Variants in TMEM200A observed in about 807,000 individuals in gnomAD.
TMEM200A encodes the protein two transmembrane C.
A neutral mutation model predicts 24.3 loss-of-function variants in TMEM200A; 12 were observed. The observed-to-expected ratio is 0.49, with a 90% CI of 0.32 to 0.80. The LOEUF (loss-of-function observed/expected upper bound fraction) is 0.80, where lower values mean the gene tolerates loss of function less well. TMEM200A is among the 30% of genes least tolerant of loss of function. TMEM200A has a pLI of 0.04. For missense variants in TMEM200A, 545 were observed against 614.4 expected (o/e 0.89, Z 1.19); for synonymous variants, 224 against 224.4 (o/e 1.00, Z 0.02).
At position 130,427,893 on chromosome 6, in the gene TMEM200A, G is replaced by T. The variant is rs147972014; in HGVS notation, c.-16-12514G>T. On this transcript the variant is annotated intron_variant, in intron 2 of 2. Transcript: ENST00000296978. ...AAGTTTTCTACCCACTTTTCTCTTG[G>T]CTTGCTATCTCTAACAGGACATTGC... 2.2e-3 allele frequency among the ~76,000 whole-genome samples: 330 copies of T among 151,646 alleles called. 1 individual carries two copies. Among genetic ancestry groups the T allele is most frequent in the Non-Finnish European group, 3.2e-3 (219 of 67,884 alleles).
At chr6:130,416,417 A>C (rs890033646) in intron 2 of TMEM200A, among the ~76,000 whole-genome samples, 21 of 152,088 alleles carry the variant, frequency 1.4e-4, no homozygotes, top group African/African-American at 5.1e-4. Context: ...CATATTCAAA[A>C]CTAAACTCTT....
At chr6:130,366,008 C>T (rs1253714675), upstream of TMEM200A, 2 of 985,442 alleles carry the variant, frequency 2.0e-6, no homozygotes, top group Non-Finnish European at 2.4e-6. The surrounding 1 kb of genome is among the most constrained non-coding windows in gnomAD (Gnocchi z 4.4). Context: ...AGGTTTGGGG[C>T]TGGGATCCAT....
chr6:130,374,519 G>A (rs1178325325), intron 1 of TMEM200A, among the ~76,000 whole-genome samples: 1 of 151,814 alleles, frequency 6.6e-6, no homozygotes, highest in African/African-American at 2.4e-5. Flanking sequence ...AGGTTCAAGC[G>A]ATTTTCCTCC....
rs536881614 is a variant in TMEM200A, at chr6:130,411,606, A to T, written c.-17+26370A>T. On this transcript the variant is annotated intron_variant, in intron 2 of 2. Transcript: ENST00000296978. ...TGGTTGTATCTCTTTACTCTGCTTC[A>T]ATCTGGAATGTTTCTTCGGTATTTG... is the stretch of plus-strand genomic sequence containing the variant. 9.2e-5 allele frequency among the ~76,000 whole-genome samples: 14 copies of T among 152,266 alleles called. 1 individual carries two copies. In the South Asian group the frequency reaches 2.9e-3, roughly 32 times the overall value.
chr6:130,420,059 A>G (rs1440253890), intron 2 of TMEM200A, among the ~76,000 whole-genome samples: 1 of 152,142 alleles, frequency 6.6e-6, no homozygotes, highest in East Asian at 1.9e-4. Flanking sequence ...TCATGATCTA[A>G]TCACCTCCTA....
intron 2 of TMEM200A, among the ~76,000 whole-genome samples, chr6:130,409,840 G>GTT (rs60589180): frequency 0.026 from 3,747 of 144,852 alleles, 159 homozygotes; most frequent in African/African-American, 0.089. Context: ...CTGTCTCTCA[G>GTT]TTTTTTTTTT....
intron 1 of TMEM200A, chr6:130,382,979 C>T: frequency 3.1e-6 from 3 of 980,918 alleles, no homozygotes; most frequent in Non-Finnish European, 3.6e-6. Flanking sequence ...GACTCTAGAT[C>T]AGGAAGCAAA....
chr6:130,395,012 C>T (rs988331293), intron 2 of TMEM200A, among the ~76,000 whole-genome samples: 9 of 152,148 alleles, frequency 5.9e-5, no homozygotes, highest in Admixed American at 5.2e-4. Flanking sequence ...GAGCCTCCAT[C>T]GGTATCCTAG....
intron 1 of TMEM200A, among the ~76,000 whole-genome samples, chr6:130,367,028 A>C (rs1404002659): frequency 6.6e-6 from 1 of 152,244 alleles, no homozygotes; most frequent in African/African-American, 2.4e-5. Flanking sequence ...GATTTGCTTC[A>C]TTAATCATTC....
intron 2 of TMEM200A, among the ~76,000 whole-genome samples, chr6:130,439,757 A>G (rs1780106699): frequency 6.6e-6 from 1 of 152,184 alleles, no homozygotes; most frequent in Non-Finnish European, 1.5e-5. Context: ...TTAACATCAT[A>G]AAAGACTGGG....
chr6:130,395,325 G>A (rs1222636704), intron 2 of TMEM200A, among the ~76,000 whole-genome samples: 1 of 152,148 alleles, frequency 6.6e-6, no homozygotes, highest in Non-Finnish European at 1.5e-5. Flanking sequence ...TAGTTGAAGA[G>A]CCCGTGTCAA....
chr6:130,403,396 C>T (rs1195363139), intron 2 of TMEM200A, among the ~76,000 whole-genome samples: 1 of 151,860 alleles, frequency 6.6e-6, no homozygotes, highest in Admixed American at 6.6e-5. Context: ...ATTATTATTT[C>T]GATAAACGGT....
rs760217369 is a variant in TMEM200A at position 130,366,876 on chromosome 6, G to A, written c.-81+352G>A. Among the ~76,000 whole-genome samples, 15 of 152,194 alleles carry A rather than the reference G, an allele frequency of 9.9e-5. No individual in the cohort carries two copies. The highest frequency in any genetic ancestry group is 1.9e-4 in the Non-Finnish European group (13 of 68,038). ...GTTAATTCATGATTGAGCAAAGTAT[G>A]GTCAGGGTTTCGTAAAGCAGTATCT... On this transcript the variant is annotated intron_variant, in intron 1 of 2. Coordinates refer to ENST00000296978, the MANE Select transcript of TMEM200A (RefSeq NM_001258277.2). This position sits in a 1 kb window ranked among gnomAD's most constrained non-coding sequence, Gnocchi z 4.4.
rs923547553 is a variant in TMEM200A at position 130,406,069 on chromosome 6, A to G, written c.-17+20833A>G. ...GCATTCTTTAGGAAGGAGCTCATAC[A>G]TCATTTCTCCTCCAGGATTTGTCTC... is the stretch of plus-strand genomic sequence containing the variant. On this transcript the variant is annotated intron_variant, in intron 2 of 2. Coordinates refer to ENST00000296978, the MANE Select transcript of TMEM200A (RefSeq NM_001258277.2). 2.0e-5 allele frequency among the ~76,000 whole-genome samples: 3 copies of G among 152,156 alleles called. No individual in the cohort carries two copies. In the South Asian group the frequency reaches 6.2e-4, roughly 32 times the overall value.
chr6:130,381,685 G>A (rs974944151), intron 1 of TMEM200A, among the ~76,000 whole-genome samples: 56 of 152,218 alleles, frequency 3.7e-4, no homozygotes, highest in African/African-American at 1.3e-3. Context: ...GGATGATATT[G>A]TACCTGGATG....
At chr6:130,394,363 A>C (rs1778901469) in intron 2 of TMEM200A, among the ~76,000 whole-genome samples, 1 of 152,118 alleles carries the variant, frequency 6.6e-6, no homozygotes, top group South Asian at 2.1e-4. Flanking sequence ...GGGAATACTT[A>C]CCTCTGCCAG....
intron 2 of TMEM200A, among the ~76,000 whole-genome samples, chr6:130,386,957 C>T (rs936551802): frequency 3.3e-5 from 5 of 152,172 alleles, no homozygotes; most frequent in African/African-American, 9.7e-5. Flanking sequence ...TGAAACCGTC[C>T]AGTTATGGTG....
At chr6:130,390,800 A>C (rs1778815763) in intron 2 of TMEM200A, among the ~76,000 whole-genome samples, 1 of 152,092 alleles carries the variant, frequency 6.6e-6, no homozygotes, top group South Asian at 2.1e-4. Context: ...GCTGCTTTGA[A>C]TCTCCCAGGC....
intron 1 of TMEM200A, among the ~76,000 whole-genome samples, chr6:130,374,643 C>T (rs933176213): frequency 2.6e-5 from 4 of 151,924 alleles, no homozygotes; most frequent in African/African-American, 4.8e-5. Context: ...AGGCTGGTCT[C>T]GAACTCCTGA....
Sources: allele counts gnomAD v4.1 joint callset (sites outside exome capture counted in the v4.1 genomes callset), GRCh38; gene constraint gnomAD v4.1.1; non-coding constraint Gnocchi (gnomAD v3.1); transcripts MANE v1.5; gene names NCBI Gene and HGNC (gene_info 2026-07-23, HGNC 2026-07-21).